Variants in SP1 observed in about 807,000 individuals in gnomAD.
The protein encoded by SP1 is transcription factor Sp1.
SP1 carries 6 observed loss-of-function variants against 66.3 expected under a neutral mutation model. The observed-to-expected ratio is 0.09, with a 90% confidence interval of 0.05 to 0.18. SP1 has a LOEUF of 0.18. Among genes scored for constraint, SP1 ranks in the 10% least tolerant of loss-of-function variants. The pLI, the probability that SP1 is intolerant of heterozygous loss-of-function variation, is 1.00. For synonymous variants in SP1, 417 were observed against 360.8 expected (o/e 1.16, Z -1.77); for missense variants, 848 against 964.5 (o/e 0.88, Z 1.60).
At chr12:53,384,019 G>T (rs1938169651) in intron 3 of SP1, among the ~76,000 whole-genome samples, 1 of 151,242 alleles carries the variant, frequency 6.6e-6, no homozygotes, top group African/African-American at 2.4e-5. Flanking sequence ...ATCCAGGCTG[G>T]AGTGCAGTGG....
intron 3 of SP1, among the ~76,000 whole-genome samples, chr12:53,395,642 G>A (rs2136904433): frequency 6.6e-6 from 1 of 152,160 alleles, no homozygotes; most frequent in African/African-American, 2.4e-5. Context: ...ATGTGCCAAT[G>A]CCCTAGCTTC....
At chr12:53,410,604 A>C (rs1169342141) in intron 5 of SP1, among the ~76,000 whole-genome samples, 1 of 151,604 alleles carries the variant, frequency 6.6e-6, no homozygotes, top group Non-Finnish European at 1.5e-5. Context: ...TCCCGGGTCC[A>C]CGCCATTCTC....
chr12:53,393,230 G>A (rs1938396740), intron 3 of SP1, among the ~76,000 whole-genome samples: 1 of 152,192 alleles, frequency 6.6e-6, no homozygotes, highest in Admixed American at 6.6e-5. Flanking sequence ...GAGAGGACTG[G>A]TTTAGCCCAG....
At position 53,416,163 on chromosome 12, in the gene SP1, T is replaced by A. The variant is rs1003382521; in HGVS notation, c.*4923T>A. ...CATGCTGTGTTTGTTTTGATTCCAA[T>A]CCAATTATCACCAGGGCTGTGTGGG... is the stretch of plus-strand genomic sequence containing the variant. On this transcript the variant is annotated 3_prime_UTR_variant, in exon 6 of 6. Transcript: ENST00000327443. 3 of 153,232 alleles carry A rather than the reference T, an allele frequency of 2.0e-5. No homozygotes were observed. In the Admixed American group the frequency reaches 2.0e-4, roughly 10 times the overall value. The allele number at this position is 153,232 out of a possible 1,614,324, so 9.5% of individuals were successfully genotyped here.
chr12:53,390,424 T>C (rs1365523828), intron 3 of SP1, among the ~76,000 whole-genome samples: 4 of 152,190 alleles, frequency 2.6e-5, no homozygotes, highest in Non-Finnish European at 5.9e-5. Context: ...GGCTCATGCC[T>C]GTAATCCCAG....
At chr12:53,389,743 C>T (rs1406219183) in intron 3 of SP1, among the ~76,000 whole-genome samples, 3 of 151,766 alleles carry the variant, frequency 2.0e-5, no homozygotes, top group Non-Finnish European at 4.4e-5. Flanking sequence ...TTTTCTTAGC[C>T]GCTGCTGAAT....
chr12:53,383,237 C>G lies in SP1; in HGVS notation c.1290C>G (p.Ile430Met). The part of the protein sequence containing the change: ...LSGQTFTTQA[I>M]SQETLQNLQL... Reference sequence around the variant, plus strand: ...GGCAGACCTTTACAACTCAAGCCATCTCCCAGGAAACCCTCCAGAACCTCC... The same window carrying G: ...GGCAGACCTTTACAACTCAAGCCATGTCCCAGGAAACCCTCCAGAACCTCC... The change falls in exon 3 of 6, where the codon ATC becomes ATG. Residue 430 changes from isoleucine (I) to methionine (M), a missense_variant. Ile to Met is a conservative substitution (Grantham distance 10). This residue lies in a region of SP1 where 606 missense variants were observed against 589.9 expected (regional missense o/e 1.03). Transcript: ENST00000327443. 9 of 1,614,238 alleles carry G rather than the reference C, an allele frequency of 5.6e-6. No homozygotes were observed. Among genetic ancestry groups the G allele is most frequent in the Non-Finnish European group, 7.6e-6 (9 of 1,180,050 alleles).
rs532369855 is a variant in SP1 at position 53,395,957 on chromosome 12, T to C, written c.1676-10628T>C. Among the ~76,000 whole-genome samples the C allele has an allele frequency of 1.8e-4, 28 of 152,046 alleles. No homozygotes were observed. In the South Asian group the frequency reaches 5.4e-3, roughly 29 times the overall value. On this transcript the variant is annotated intron_variant, in intron 3 of 5. Transcript: ENST00000327443. ...CAACATAGTGAAACTCCATCTCTAC[T>C]AAAAATACAAAAATTAGCTGGGTGT...
chr12:53,415,448 C>G lies in SP1; in HGVS notation c.*4208C>G, dbSNP rs1352988813. The stretch of plus-strand genomic sequence containing the variant: ...GGGGGTCTCTGGCTTTATTACTCCC[C>G]TAAGTCTTTACTCTGACTTCCCCAA... On this transcript the variant is annotated 3_prime_UTR_variant, in exon 6 of 6. Coordinates refer to ENST00000327443, the MANE Select transcript of SP1 (RefSeq NM_138473.3). 3 of 152,294 alleles carry G rather than the reference C, an allele frequency of 2.0e-5. No individual in the cohort carries two copies. The highest frequency in any genetic ancestry group is 7.2e-5 in the African/African-American group (3 of 41,394). 9.4% of individuals were successfully genotyped at this position (152,294 alleles called of 1,614,324 possible).
In SP1 at chr12:53,409,512, A is replaced by G; in HGVS notation, c.1995A>G (p.Lys665=). Residue 665 remains lysine (K), a synonymous_variant, in exon 5 of 6, where the codon AAA becomes AAG. Transcript: ENST00000327443. ...PFMCTWSYCG[K]RFTRSDELQR... The stretch of plus-strand genomic sequence containing the variant: ...TGTGTACCTGGTCATACTGTGGGAA[A>G]CGCTTCACACGTTCGGATGAGCTAC... 6.2e-7 allele frequency: 1 copy of G among 1,614,176 alleles called. No individual in the cohort carries two copies. The highest frequency in any genetic ancestry group is 8.5e-7 in the Non-Finnish European group (1 of 1,180,028).
chr12:53,401,192 C>T (rs969471854), intron 3 of SP1, among the ~76,000 whole-genome samples: 1 of 151,636 alleles, frequency 6.6e-6, no homozygotes, highest in Non-Finnish European at 1.5e-5. Flanking sequence ...TGGCACGTGC[C>T]GTAATCCCAG....
rs542835191 is a variant in SP1, at chr12:53,415,942, T to C, written c.*4702T>C. On this transcript the variant is annotated 3_prime_UTR_variant, in exon 6 of 6. Transcript: ENST00000327443. ...AGACTTCGGGGAAGATACACTGAGATTGACCTGAGGAGACATCTACACACA... is the reference window on the plus strand; with the variant it reads ...AGACTTCGGGGAAGATACACTGAGACTGACCTGAGGAGACATCTACACACA... The C allele has an allele frequency of 2.6e-5, 4 of 151,660 alleles. No homozygotes were observed. The highest frequency in any genetic ancestry group is 2.1e-4 in the South Asian group (1 of 4,758). 9.4% of individuals were successfully genotyped at this position (151,660 alleles called of 1,614,324 possible). A position where few individuals can be genotyped will look rare whatever the true frequency, so the allele number is the denominator to read the frequency against.
chr12:53,406,367 C>T (rs1189032859), intron 3 of SP1, among the ~76,000 whole-genome samples: 2 of 152,092 alleles, frequency 1.3e-5, no homozygotes, highest in African/African-American at 2.4e-5. Flanking sequence ...CTGCGCCCAG[C>T]CACTCTTGGT....
chr12:53,407,854 T>G (rs929187080), intron 4 of SP1, among the ~76,000 whole-genome samples: 13 of 148,726 alleles, frequency 8.7e-5, no homozygotes, highest in Non-Finnish European at 1.6e-4. Flanking sequence ...GCCAGGGTGG[T>G]CTCGATCTCC....
chr12:53,398,143 G>A (rs755437947), intron 3 of SP1, among the ~76,000 whole-genome samples: 4 of 152,148 alleles, frequency 2.6e-5, no homozygotes, highest in Non-Finnish European at 5.9e-5. Context: ...TTAATTTCTT[G>A]TGATGTAGAT....
chr12:53,382,781 T>A lies in SP1; in HGVS notation c.834T>A (p.Thr278=). ...PVNSVSAATL[T]PSSQAVTISS... is the part of the protein sequence containing the mutation. ...ACAGCGTTTCTGCAGCTACCTTGAC[T>A]CCCAGCTCTCAGGCAGTCACGATCA... Residue 278 remains threonine (T), a synonymous_variant, in exon 3 of 6, where the codon ACT becomes ACA. Coordinates refer to ENST00000327443, the MANE Select transcript of SP1 (RefSeq NM_138473.3). The A allele has an allele frequency of 6.2e-7, 1 of 1,614,170 alleles. No homozygotes were observed. The highest frequency in any genetic ancestry group is 8.5e-7 in the Non-Finnish European group (1 of 1,180,028).
intron 1 of SP1, 101 bp from the exon 2 acceptor site, chr12:53,381,558 C>T: frequency 9.0e-7 from 1 of 1,112,254 alleles, no homozygotes; most frequent in Non-Finnish European, 1.3e-6. Context: ...CTTTCGCCTT[C>T]CTGTTAGTCA....
chr12:53,391,028 A>C (rs1485894820), intron 3 of SP1, among the ~76,000 whole-genome samples: 1 of 152,172 alleles, frequency 6.6e-6, no homozygotes, highest in Non-Finnish European at 1.5e-5. Context: ...CATCTGTAGG[A>C]AAGTTATTAT....
intron 4 of SP1, among the ~76,000 whole-genome samples, chr12:53,408,922 CAAA>C (rs1025701785): frequency 1.4e-5 from 2 of 142,976 alleles, no homozygotes; most frequent in African/African-American, 5.2e-5. Flanking sequence ...AACAAACGAA[CAAA>C]AAAAAGAAGC....
Sources: gnomAD v4.1 joint callset for allele counts (sites outside exome capture counted in the v4.1 genomes callset) on GRCh38, gnomAD v4.1.1 for gene constraint, gnomAD v4.1.1 regional missense constraint, MANE v1.5 for transcripts, NCBI Gene and HGNC (gene_info 2026-07-23, HGNC 2026-07-21) for gene names.